The following TCF20 variants were observed in gnomAD, a reference collection of about 807,000 sequenced individuals.
TCF20 encodes transcription factor 20, also known as SPRE-binding protein.
In TCF20, 3 loss-of-function variants were observed where a neutral mutation model predicts 148.6. That is an observed-to-expected ratio of 0.02 (90% CI 0.01 to 0.05). TCF20 has a LOEUF of 0.05. Ranked by LOEUF, TCF20 falls within the 10% of genes least tolerant of loss-of-function variation. TCF20 has a pLI of 1.00. For missense variants in TCF20, 2,350 were observed against 2,429.3 expected (o/e 0.97, Z 0.69); for synonymous variants, 1,049 against 909.5 (o/e 1.15, Z -2.76).
rs1449757978 is a variant in TCF20, at chr22:42,279,678, G to A, written c.-37+4149C>T. Among the ~76,000 whole-genome samples the A allele has an allele frequency of 1.3e-5, 2 of 152,180 alleles. No individual in the cohort carries two copies. Among genetic ancestry groups the A allele is most frequent in the Non-Finnish European group, 2.9e-5 (2 of 68,030 alleles). On this transcript the variant is annotated intron_variant, in intron 1 of 5. Coordinates refer to the TCF20 transcript ENST00000359486. This position sits in a 1 kb window ranked among gnomAD's most constrained non-coding sequence, Gnocchi z 4.3. ...TCCAGCCTCAGGTGCTCCGTGAGGTGGGACGATTCACCCCATGAGCAAACA... is the reference window on the plus strand; with the variant it reads ...TCCAGCCTCAGGTGCTCCGTGAGGTAGGACGATTCACCCCATGAGCAAACA...
At chr22:42,319,183 C>T (rs1189712476) in intron 1 of TCF20, among the ~76,000 whole-genome samples, 2 of 152,188 alleles carry the variant, frequency 1.3e-5, no homozygotes, top group Non-Finnish European at 2.9e-5. Flanking sequence ...GGAGGAGGTG[C>T]TGGCCAGAGC....
At chr22:42,325,185 G>A (rs895841968) in intron 1 of TCF20, among the ~76,000 whole-genome samples, 2 of 152,240 alleles carry the variant, frequency 1.3e-5, no homozygotes, top group African/African-American at 2.4e-5. Flanking sequence ...GCCTCCTCCC[G>A]ACTGGGCACT....
At chr22:42,316,688 G>A (rs1043158681) in intron 1 of TCF20, among the ~76,000 whole-genome samples, 7 of 152,060 alleles carry the variant, frequency 4.6e-5, no homozygotes, top group Non-Finnish European at 1.5e-5. Flanking sequence ...CGCCTTCCTC[G>A]GCCTCCCAAA....
At chr22:42,300,301 C>T (rs1927314138) in intron 1 of TCF20, among the ~76,000 whole-genome samples, 1 of 152,024 alleles carries the variant, frequency 6.6e-6, no homozygotes, top group Admixed American at 6.5e-5. Flanking sequence ...CCGGTGAGAG[C>T]TCGTGGCTGG....
rs368350649 is a variant in TCF20 at position 42,212,144 on chromosome 22, G to A, written c.3162C>T (p.Pro1054=). 13 of 1,614,064 alleles carry A rather than the reference G, an allele frequency of 8.1e-6. No individual in the cohort carries two copies. The highest frequency in any genetic ancestry group is 3.3e-4 in the Middle Eastern group (2 of 6,084). ...NRSSLHTPFS[P]NSETLASAYH... ...AAGCAGAGGCCAGGGTTTCTGAGTT[G>A]GGAGAAAAGGGAGTGTGTAAAGAAC... The change falls in exon 2 of 6, where the codon CCC becomes CCT. Residue 1054 remains proline (P), a synonymous_variant. Coordinates refer to ENST00000677622, the MANE Select transcript of TCF20 (RefSeq NM_001378418.1).
intron 1 of TCF20, among the ~76,000 whole-genome samples, chr22:42,241,002 C>A (rs1048916843): frequency 6.6e-6 from 1 of 152,076 alleles, no homozygotes; most frequent in East Asian, 1.9e-4. Flanking sequence ...ATTACAAGCA[C>A]CCGCCATCAC....
rs991974731 is a variant in TCF20 at position 42,317,574 on chromosome 22, C to G, written c.-37+25905G>C. ...CATCTCACCAAGGTGGAAACTGAGG[C>G]TCGGAGAGGCCAAGTGACTGGCCCA... On this transcript the variant is annotated intron_variant, in intron 1 of 1. Coordinates refer to the TCF20 transcript ENST00000515426. This position sits in a 1 kb window ranked among gnomAD's most constrained non-coding sequence, Gnocchi z 4.2. Among the ~76,000 whole-genome samples, 1 of 152,124 alleles carries G rather than the reference C, an allele frequency of 6.6e-6. No homozygotes were observed. The highest frequency in any genetic ancestry group is 1.5e-5 in the Non-Finnish European group (1 of 68,018).
intron 1 of TCF20, among the ~76,000 whole-genome samples, chr22:42,340,722 A>T (rs1052609677): frequency 6.6e-6 from 1 of 152,178 alleles, no homozygotes; most frequent in African/African-American, 2.4e-5. Context: ...ACCCAAGGTC[A>T]CAGAGTCATC....
upstream of TCF20, among the ~76,000 whole-genome samples, chr22:42,286,854 T>A (rs1462917488): frequency 6.6e-6 from 1 of 152,188 alleles, no homozygotes; most frequent in East Asian, 1.9e-4. Flanking sequence ...AAGGAATAGA[T>A]GTGGGTTCCC....
chr22:42,196,694 T>C (rs775912972), intron 2 of TCF20, among the ~76,000 whole-genome samples: 4 of 152,196 alleles, frequency 2.6e-5, no homozygotes, highest in Non-Finnish European at 5.9e-5. Flanking sequence ...CCACAATGAA[T>C]AGGCCTGAGA....
chr22:42,320,698 T>C (rs1169793839), intron 1 of TCF20, among the ~76,000 whole-genome samples: 1 of 152,118 alleles, frequency 6.6e-6, no homozygotes, highest in East Asian at 1.9e-4. Flanking sequence ...TGGCAGTGCA[T>C]AAATGAACAA....
Position 42,215,316 on chromosome 22 carries a change from A to G in TCF20, c.-11T>C. 6.3e-7 allele frequency: 1 copy of G among 1,598,146 alleles called. No homozygotes were observed. The highest frequency in any genetic ancestry group is 8.5e-7 in the Non-Finnish European group (1 of 1,169,600). ...CCGAAAGGACTGCATACTGTTCAGCAGCACAGCAGCAGGCCAACAGCCCTC... is the reference window on the plus strand; with the variant it reads ...CCGAAAGGACTGCATACTGTTCAGCGGCACAGCAGCAGGCCAACAGCCCTC... On this transcript the variant is annotated 5_prime_UTR_variant, in exon 2 of 6. Coordinates refer to ENST00000677622, the MANE Select transcript of TCF20 (RefSeq NM_001378418.1).
chr22:42,255,096 T>C (rs1434875818), intron 1 of TCF20, among the ~76,000 whole-genome samples: 1 of 152,028 alleles, frequency 6.6e-6, no homozygotes, highest in African/African-American at 2.4e-5. Flanking sequence ...TTCAGTTTTC[T>C]CGTTTGAAAA....
chr22:42,202,669 C>T (rs780267691), intron 2 of TCF20, among the ~76,000 whole-genome samples: 12 of 152,178 alleles, frequency 7.9e-5, no homozygotes, highest in African/African-American at 1.7e-4. Context: ...GAGGGTCCCG[C>T]GAAATTGGCC....
upstream of TCF20, among the ~76,000 whole-genome samples, chr22:42,285,472 G>T (rs1035053200): frequency 6.6e-6 from 1 of 151,942 alleles, no homozygotes; most frequent in Non-Finnish European, 1.5e-5. The surrounding 1 kb of genome is among the most constrained non-coding windows in gnomAD (Gnocchi z 4.2). Flanking sequence ...CAAGGGCTGC[G>T]TCTGCATTTA....
At chr22:42,253,189 G>A (rs1344008810) in intron 1 of TCF20, among the ~76,000 whole-genome samples, 1 of 152,136 alleles carries the variant, frequency 6.6e-6, no homozygotes, top group African/African-American at 2.4e-5. Flanking sequence ...GAATGCATTA[G>A]TTCACTCTTC....
chr22:42,211,584 C>T lies in TCF20; in HGVS notation c.3722G>A (p.Gly1241Asp). 1.2e-6 allele frequency: 2 copies of T among 1,614,194 alleles called. No homozygotes were observed. Among genetic ancestry groups the T allele is most frequent in the South Asian group, 1.1e-5 (1 of 91,082 alleles). ...GTTTTGAGAAGAATGATCCTCCTGG[C>T]CTGGAAGTCTCAGCATAACACTACC... Reference protein sequence around the residue: ...KPGSVMLRLPGQEDHSSQNPL... With the variant: ...KPGSVMLRLPDQEDHSSQNPL... Residue 1241 changes from glycine to aspartate, a missense_variant, in exon 2 of 6, where the codon GGC becomes GAC. Physicochemically the swap from Gly to Asp is moderately conservative, Grantham distance 94. Coordinates refer to ENST00000677622, the MANE Select transcript of TCF20 (RefSeq NM_001378418.1).
chr22:42,208,856 G>A (rs762868746), intron 2 of TCF20, among the ~76,000 whole-genome samples: 3 of 152,268 alleles, frequency 2.0e-5, no homozygotes, highest in South Asian at 2.1e-4. Context: ...AGACATCAGC[G>A]TACATAAGAT....
intron 5 of TCF20, among the ~76,000 whole-genome samples, chr22:42,164,508 C>T (rs747344007): frequency 7.2e-5 from 11 of 152,008 alleles, no homozygotes; most frequent in Non-Finnish European, 1.3e-4. Flanking sequence ...TAGGCGTTAG[C>T]CACTGTGCCC....
Sources: allele counts gnomAD v4.1 joint callset (sites outside exome capture counted in the v4.1 genomes callset), GRCh38; gene constraint gnomAD v4.1.1; non-coding constraint Gnocchi (gnomAD v3.1); transcripts MANE v1.5; gene names NCBI Gene and HGNC (gene_info 2026-07-23, HGNC 2026-07-21).